TMEM176B: variants seen among roughly 807,000 people sequenced by gnomAD.
TMEM176B encodes transmembrane protein 176B, also known as LR8-like protein.
A neutral mutation model predicts 30.3 loss-of-function variants in TMEM176B; 28 were observed. That is an observed-to-expected ratio of 0.92 (90% confidence interval 0.68 to 1.27). The LOEUF is 1.27. TMEM176B is among the 50% of genes most tolerant of loss of function. The pLI is 0.00. For synonymous variants in TMEM176B, 123 were observed against 130.3 expected, an observed-to-expected ratio of 0.94 and a Z score of 0.38; for missense variants, 349 against 327.4, an observed-to-expected ratio of 1.07 and a Z score of -0.51.
Position 150,791,475 on chromosome 7 carries a change from G to T in TMEM176B, c.*56C>A. The T allele has an allele frequency of 1.4e-6, 2 of 1,479,618 alleles. No individual in the cohort carries two copies. Among genetic ancestry groups the T allele is most frequent in the African/African-American group, 1.4e-5 (1 of 71,110 alleles). 91.7% of individuals were successfully genotyped at this position (1,479,618 alleles called of 1,614,324 possible). ...GCAAGTGTGAGGAGCCAGGAGTGGGGGCCCTGGGCTGCCCTAGACAGGGAC... is the reference window on the plus strand; with the variant it reads ...GCAAGTGTGAGGAGCCAGGAGTGGGTGCCCTGGGCTGCCCTAGACAGGGAC... On this transcript the variant is annotated 3_prime_UTR_variant, in exon 7 of 7. Coordinates refer to ENST00000326442, the MANE Select transcript of TMEM176B (RefSeq NM_001101312.2).
intron 3 of TMEM176B, 34 bp downstream of exon 3, chr7:150,793,927 C>G (rs986801551): frequency 1.3e-6 from 2 of 1,534,000 alleles, no homozygotes; most frequent in Non-Finnish European, 1.8e-6. Context: ...CACCACTTGC[C>G]TCCCTCCAGG....
intron 6 of TMEM176B, 96 bp downstream of exon 6, chr7:150,791,960 C>T: frequency 5.1e-6 from 8 of 1,554,962 alleles, no homozygotes; most frequent in Non-Finnish European, 7.0e-6. Context: ...CAGGCCCAGC[C>T]TCAGGTTCGG....
Position 150,791,509 on chromosome 7 carries a change from AC to A in TMEM176B, c.*21del, listed in dbSNP as rs1798301775. ...CTGCCCTAGACAGGGACATGCGGGCACCCCGTGGGGTCTTTGGCAGCTCACA... is the reference window on the plus strand; with the variant it reads ...CTGCCCTAGACAGGGACATGCGGGCACCCGTGGGGTCTTTGGCAGCTCACA... On this transcript the variant is annotated 3_prime_UTR_variant, in exon 7 of 7. Coordinates refer to ENST00000326442, the MANE Select transcript of TMEM176B (RefSeq NM_001101312.2). The A allele has an allele frequency of 6.2e-7, 1 of 1,607,512 alleles. No individual in the cohort carries two copies. The highest frequency in any genetic ancestry group is 1.3e-5 in the African/African-American group (1 of 74,684).
At position 150,791,627 on chromosome 7, in the gene TMEM176B, G is replaced by GA. The variant is rs755627693; in HGVS notation, c.721-5dup. On this transcript the variant is annotated splice_polypyrimidine_tract_variant and splice_region_variant and intron_variant, in intron 6 of 6. Coordinates refer to ENST00000326442, the MANE Select transcript of TMEM176B (RefSeq NM_001101312.2). ...TCTTCTCTGATCCTTCCTCATTCTG[G>GA]AAAAAAAAGAAAAAAGAAATCCTTA... 1.3e-5 allele frequency: 21 copies of GA among 1,605,026 alleles called. No individual in the cohort carries two copies. Among genetic ancestry groups the GA allele is most frequent in the East Asian group, 4.5e-5 (2 of 44,800 alleles).
rs569575832 is a variant in TMEM176B, at chr7:150,797,604, A to AT, written c.-5-1031dup. 3.4e-4 allele frequency among the ~76,000 whole-genome samples: 52 copies of AT among 152,178 alleles called. No individual in the cohort carries two copies. In the South Asian group the frequency reaches 6.9e-3, roughly 20 times the overall value. On this transcript the variant is annotated intron_variant, in intron 1 of 6. Coordinates refer to ENST00000326442, the MANE Select transcript of TMEM176B (RefSeq NM_001101312.2). The stretch of plus-strand genomic sequence containing the variant: ...TGCTGGTGGATGTCCTCACAGAAGT[A>AT]TTTTTTTGTGTAAGGTTGTCATTTT...
intron 3 of TMEM176B, 127 bp from the exon 4 acceptor site, chr7:150,793,727 G>T: frequency 1.9e-6 from 2 of 1,061,540 alleles, no homozygotes; most frequent in Non-Finnish European, 2.8e-6. Flanking sequence ...AAAGAACTCT[G>T]ACACACAGAC....
Position 150,792,111 on chromosome 7 carries a change from A to G in TMEM176B, c.665T>C (p.Leu222Ser). Residue 222 changes from leucine to serine, a missense_variant, in exon 6 of 7, where the codon TTG (leucine) becomes TCG (serine). Physicochemically the swap from Leu to Ser is moderately radical, Grantham distance 145. Transcript: ENST00000326442. The part of the protein sequence containing the change: ...AVCVLKVIVS[L>S]VSLGVGLRNL... ...TCGAAGACCTACTCCCAAGGAAACC[A>G]AGGACACAATGACCTTCAAGACACA... 2 of 1,614,052 alleles carry G rather than the reference A, an allele frequency of 1.2e-6. No homozygotes were observed. Among genetic ancestry groups the G allele is most frequent in the Non-Finnish European group, 8.5e-7 (1 of 1,179,976 alleles).
chr7:150,793,628 C>G (rs768140135), intron 3 of TMEM176B, 28 bp from the exon 4 acceptor site: 2 of 1,609,900 alleles, frequency 1.2e-6, no homozygotes, highest in East Asian at 2.2e-5. Flanking sequence ...AAAAAGGCCT[C>G]CAGTTTACTC....
At position 150,793,276 on chromosome 7, in the gene TMEM176B, T is replaced by A. The variant is rs752132872; in HGVS notation, c.412A>T (p.Thr138Ser). The A allele has an allele frequency of 6.2e-7, 1 of 1,614,102 alleles. No individual in the cohort carries two copies. Among genetic ancestry groups the A allele is most frequent in the Admixed American group, 1.7e-5 (1 of 60,026 alleles). ...CAGAGGACAACAGCAGCCATAGCTGTAGCAAAGCCTGCCAGGGTGAGCAGG... is the reference window on the plus strand; with the variant it reads ...CAGAGGACAACAGCAGCCATAGCTGAAGCAAAGCCTGCCAGGGTGAGCAGG... ...SSLLTLAGFA[T>S]AMAAVVLCVN... Residue 138 changes from threonine (T) to serine (S), a missense_variant, in exon 5 of 7, where the codon ACA (threonine) becomes TCA (serine). Thr to Ser is a moderately conservative substitution (Grantham distance 58). Transcript: ENST00000326442.
chr7:150,794,125 C>A, intron 2 of TMEM176B, 54 bp from the exon 3 acceptor site: 2 of 1,467,804 alleles, frequency 1.4e-6, no homozygotes, highest in South Asian at 1.2e-5. Flanking sequence ...CATGCCCCGG[C>A]TGCCCTGGGA....
intron 1 of TMEM176B, among the ~76,000 whole-genome samples, chr7:150,797,821 T>C (rs1333582791): frequency 2.6e-5 from 4 of 152,222 alleles, no homozygotes; most frequent in African/African-American, 9.6e-5. Context: ...TCATAATTTA[T>C]TTAAGTGGTT....
intron 1 of TMEM176B, 87 bp downstream of exon 1, chr7:150,800,211 C>CG (rs944328056): frequency 1.0e-4 from 16 of 152,436 alleles, no homozygotes; most frequent in African/African-American, 3.9e-4. Flanking sequence ...GTGGACAGGA[C>CG]GGGGTGGGGG....
intron 1 of TMEM176B, among the ~76,000 whole-genome samples, chr7:150,799,386 G>A (rs1240346278): frequency 6.6e-6 from 1 of 152,162 alleles, no homozygotes; most frequent in Non-Finnish European, 1.5e-5. Context: ...TGATCCCCTC[G>A]TGTGGTTTTT....
rs1195892699 is a variant in TMEM176B at position 150,792,055 on chromosome 7, C to T, written c.720+1G>A. Reference sequence around the variant, plus strand: ...CCAGAGGCCCCTCCCCGACAACTCACCAGGGGCTGGGAGCTCTGGCCACAC... The same window carrying T: ...CCAGAGGCCCCTCCCCGACAACTCATCAGGGGCTGGGAGCTCTGGCCACAC... On this transcript the variant is annotated splice_donor_variant, in intron 6 of 6. Transcript: ENST00000326442. LOFTEE classifies it high-confidence loss of function. 1 of 1,613,744 alleles carries T rather than the reference C, an allele frequency of 6.2e-7. No homozygotes were observed. The highest frequency in any genetic ancestry group is 2.2e-5 in the East Asian group (1 of 44,870).
chr7:150,799,832 G>T (rs1352145546), intron 1 of TMEM176B, among the ~76,000 whole-genome samples: 1 of 152,186 alleles, frequency 6.6e-6, no homozygotes, highest in South Asian at 2.1e-4. Context: ...GCCCCCGCCT[G>T]AAGAGTCGGA....
intron 1 of TMEM176B, among the ~76,000 whole-genome samples, chr7:150,799,011 G>A (rs529092172): frequency 3.7e-4 from 56 of 152,050 alleles, no homozygotes; most frequent in African/African-American, 1.2e-3. Context: ...GGACTTCCCC[G>A]TTTCGAGATT....
In TMEM176B at chr7:150,793,557, G is replaced by A. The variant is rs779969970; in HGVS notation, c.359C>T (p.Pro120Leu). 1.4e-5 allele frequency: 23 copies of A among 1,613,304 alleles called. 1 individual carries two copies. Among genetic ancestry groups the A allele is most frequent in the South Asian group, 5.5e-5 (5 of 90,872 alleles). ...GAGAIVHEKH[P>L]GKLAGYISSL... ...TCCAAGACTCACAGCAAGTTTGCCC[G>A]GGTGCTTCTCATGGACAATGGCCCC... Residue 120 changes from proline (P) to leucine (L), a missense_variant, in exon 4 of 7, where the codon CCG becomes CTG. Coordinates refer to ENST00000326442, the MANE Select transcript of TMEM176B (RefSeq NM_001101312.2).
rs1363530960 is a variant in TMEM176B at position 150,793,118 on chromosome 7, C to T, written c.570G>A (p.Glu190=). The T allele has an allele frequency of 6.2e-7, 1 of 1,614,192 alleles. No individual in the cohort carries two copies. The change falls in exon 5 of 7, where the codon GAG becomes GAA. Residue 190 remains glutamate (E), a synonymous_variant. Coordinates refer to ENST00000326442, the MANE Select transcript of TMEM176B (RefSeq NM_001101312.2). ...RRSQENQWQK[E]ECRAYMQMLR... ...GCATCTGCATGTAAGCTCTACACTCCTCCTTCTGCCATTGGTTCTCTTGAC... is the reference window on the plus strand; with the variant it reads ...GCATCTGCATGTAAGCTCTACACTCTTCCTTCTGCCATTGGTTCTCTTGAC...
At chr7:150,793,725 C>CT in intron 3 of TMEM176B, 125 bp from the exon 4 acceptor site, 1 of 1,075,386 alleles carries the variant, frequency 9.3e-7, no homozygotes. Context: ...ACAAAGAACT[C>CT]TGACACACAG....
Sources: gnomAD v4.1 joint callset for allele counts (sites outside exome capture counted in the v4.1 genomes callset) on GRCh38, gnomAD v4.1.1 for gene constraint, MANE v1.5 for transcripts, NCBI Gene and HGNC (gene_info 2026-07-23, HGNC 2026-07-21) for gene names.